Variants in TSPAN5 observed in about 807,000 individuals in gnomAD.
TSPAN5 encodes tetraspanin 5.
A neutral mutation model predicts 37.1 loss-of-function variants in TSPAN5; 10 were observed. The ratio of observed to expected loss-of-function variants is 0.27; its 90% CI spans 0.17 to 0.46. The LOEUF (loss-of-function observed/expected upper bound fraction) is 0.46. TSPAN5 is among the 20% of genes least tolerant of loss of function. The probability of loss-of-function intolerance (pLI) is 1.00; values close to 1 mark genes in which losing one functional copy is unlikely to be tolerated. For synonymous variants in TSPAN5, 110 were observed against 118.9 expected, an observed-to-expected ratio of 0.93 and a Z score of 0.48; for missense variants, 195 against 326.6, an observed-to-expected ratio of 0.60 and a Z score of 3.11.
At chr4:98,629,534 G>A (rs752555486) in intron 1 of TSPAN5, among the ~76,000 whole-genome samples, 6 of 152,220 alleles carry the variant, frequency 3.9e-5, no homozygotes, top group Non-Finnish European at 8.8e-5. Flanking sequence ...GAATGAAGCA[G>A]TCTCCTGGTC....
intron 2 of TSPAN5, among the ~76,000 whole-genome samples, chr4:98,489,605 T>G (rs1026503055): frequency 1.3e-5 from 2 of 152,186 alleles, no homozygotes; most frequent in African/African-American, 4.8e-5. Context: ...GCCGTCGTTG[T>G]AGAAGCCACC....
chr4:98,582,000 G>GATCT (rs1373138174), intron 1 of TSPAN5, among the ~76,000 whole-genome samples: 1 of 152,190 alleles, frequency 6.6e-6, no homozygotes, highest in Admixed American at 6.5e-5. Context: ...CCACCCCAGA[G>GATCT]ATCTGTTCCT....
chr4:98,548,501 A>G (rs563788758), intron 1 of TSPAN5, among the ~76,000 whole-genome samples: 67 of 152,190 alleles, frequency 4.4e-4, no homozygotes, highest in Non-Finnish European at 8.2e-4. Context: ...CTAATGGCAC[A>G]GTGGCAATTT....
chr4:98,602,890 T>C (rs569068170), intron 1 of TSPAN5, among the ~76,000 whole-genome samples: 1 of 152,168 alleles, frequency 6.6e-6, no homozygotes, highest in East Asian at 1.9e-4. Context: ...TGCAATAAAG[T>C]GAAGTGAAAT....
chr4:98,634,546 T>C (rs1756813877), intron 1 of TSPAN5, among the ~76,000 whole-genome samples: 1 of 152,236 alleles, frequency 6.6e-6, no homozygotes, highest in Non-Finnish European at 1.5e-5. Context: ...TTGCATGCTA[T>C]TATAAAACAC....
chr4:98,524,675 A>G (rs1163566226), intron 1 of TSPAN5, among the ~76,000 whole-genome samples: 1 of 151,742 alleles, frequency 6.6e-6, no homozygotes, highest in Non-Finnish European at 1.5e-5. Flanking sequence ...TAAATGGCAG[A>G]CTAGATGGGA....
At chr4:98,586,556 A>G (rs1431510197) in intron 1 of TSPAN5, among the ~76,000 whole-genome samples, 1 of 152,242 alleles carries the variant, frequency 6.6e-6, no homozygotes, top group Non-Finnish European at 1.5e-5. Context: ...AAACCCTTCT[A>G]TTCTTTTTCC....
intron 1 of TSPAN5, among the ~76,000 whole-genome samples, chr4:98,592,799 G>A (rs1253364877): frequency 1.3e-5 from 2 of 150,880 alleles, no homozygotes; most frequent in Admixed American, 1.3e-4. Flanking sequence ...AGTATTCCAT[G>A]GTGTATATGT....
chr4:98,611,330 C>T (rs1266516710), intron 1 of TSPAN5, among the ~76,000 whole-genome samples: 1 of 152,144 alleles, frequency 6.6e-6, no homozygotes, highest in African/African-American at 2.4e-5. Context: ...GAGATGAAAG[C>T]ACCCGGTCAA....
At chr4:98,500,537 C>G (rs141976401) in intron 2 of TSPAN5, among the ~76,000 whole-genome samples, 1 of 152,214 alleles carries the variant, frequency 6.6e-6, no homozygotes, top group African/African-American at 2.4e-5. Context: ...AGGGGACTGG[C>G]CAGAGGACTG....
chr4:98,655,157 T>C (rs867226548), intron 1 of TSPAN5, among the ~76,000 whole-genome samples: 1 of 152,164 alleles, frequency 6.6e-6, no homozygotes, highest in South Asian at 2.1e-4. Context: ...GGTTTTTTTT[T>C]GTTTTTGTTT....
intron 2 of TSPAN5, among the ~76,000 whole-genome samples, chr4:98,500,998 C>T (rs922651709): frequency 1.3e-5 from 2 of 152,184 alleles, no homozygotes; most frequent in African/African-American, 2.4e-5. Flanking sequence ...AGTCCTCCCT[C>T]GCCCCAATAC....
chr4:98,609,841 G>A (rs72688486), intron 1 of TSPAN5, among the ~76,000 whole-genome samples: 396 of 152,284 alleles, frequency 2.6e-3, no homozygotes, highest in Non-Finnish European at 4.3e-3. Context: ...TGAGCCTGAC[G>A]GACAGTGAGT....
intron 1 of TSPAN5, among the ~76,000 whole-genome samples, chr4:98,553,808 TGTAATCCTAGCACTTTAGGAG>T (rs1754674499): frequency 6.6e-6 from 1 of 152,194 alleles, no homozygotes; most frequent in Non-Finnish European, 1.5e-5. Context: ...GGCTCACGCC[TGTAATCCTAGCACTTTAGGAG>T]GCTGAGGCAA....
At chr4:98,575,005 T>C in intron 1 of TSPAN5, 1 of 155,106 alleles carries the variant, frequency 6.4e-6, no homozygotes, top group Middle Eastern at 1.5e-3. Context: ...GACTCCGGAG[T>C]GTAGGAGCTG....
intron 1 of TSPAN5, among the ~76,000 whole-genome samples, chr4:98,582,251 G>A (rs1028218244): frequency 6.6e-6 from 1 of 152,180 alleles, no homozygotes; most frequent in African/African-American, 2.4e-5. Flanking sequence ...CGCATGTTGC[G>A]TTTGCTGGCT....
chr4:98,547,770 G>A (rs1292377162), intron 1 of TSPAN5, among the ~76,000 whole-genome samples: 5 of 152,134 alleles, frequency 3.3e-5, no homozygotes, highest in Non-Finnish European at 7.4e-5. Context: ...ACTTTGGGAA[G>A]CCGAGGTAGA....
intron 1 of TSPAN5, among the ~76,000 whole-genome samples, chr4:98,551,129 G>T (rs985272348): frequency 3.3e-5 from 5 of 150,050 alleles, no homozygotes; most frequent in African/African-American, 1.3e-4. Flanking sequence ...TGCATCTATT[G>T]AGACGATCAT....
intron 1 of TSPAN5, among the ~76,000 whole-genome samples, chr4:98,531,129 A>G (rs13435698): frequency 0.55 from 83,702 of 151,966 alleles, 23,571 homozygotes; most frequent in African/African-American, 0.66. Flanking sequence ...TTGCAGTTTC[A>G]TTACATAGGT....
Sources: allele counts gnomAD v4.1 joint callset (sites outside exome capture counted in the v4.1 genomes callset), GRCh38; gene constraint gnomAD v4.1.1; transcripts MANE v1.5; gene names NCBI Gene and HGNC (gene_info 2026-07-23, HGNC 2026-07-21).